IL16: variants seen among roughly 807,000 people sequenced by gnomAD.
IL16 encodes pro-interleukin-16.
A neutral mutation model predicts 110.1 loss-of-function variants in IL16; 67 were observed. The ratio of observed to expected loss-of-function variants is 0.61; its 90% CI spans 0.50 to 0.75. The LOEUF (loss-of-function observed/expected upper bound fraction) is 0.75. IL16 is among the 30% of genes least tolerant of loss of function. IL16 has a pLI of 0.00. For synonymous variants in IL16, 689 were observed against 662.9 expected, an observed-to-expected ratio of 1.04 and a Z score of -0.61; for missense variants, 1,545 against 1,655.0, an observed-to-expected ratio of 0.93 and a Z score of 1.15.
chr15:81,262,954 T>C (rs1898216868), intron 3 of IL16, among the ~76,000 whole-genome samples: 1 of 152,204 alleles, frequency 6.6e-6, no homozygotes, highest in Non-Finnish European at 1.5e-5. Context: ...GAAGCTCAGA[T>C]AGTTGAAATC....
chr15:81,222,313 G>A (rs1439993237), intron 1 of IL16, among the ~76,000 whole-genome samples: 2 of 151,446 alleles, frequency 1.3e-5, no homozygotes, highest in African/African-American at 4.8e-5. Context: ...GCCCTTGGAT[G>A]TCACTGTTTT....
chr15:81,194,054 C>T (rs987917277), upstream of IL16, among the ~76,000 whole-genome samples: 6 of 152,052 alleles, frequency 3.9e-5, no homozygotes, highest in South Asian at 4.1e-4. Context: ...TAATACAGTT[C>T]GCATGACCAA....
chr15:81,305,752 C>A (rs1900518137), intron 16 of IL16, 156 bp from the exon 17 acceptor site: 2 of 836,576 alleles, frequency 2.4e-6, no homozygotes. Flanking sequence ...GAATGCTGGC[C>A]TCTGTGCCAG....
At chr15:81,285,609 G>T in intron 9 of IL16, 89 bp from the exon 10 acceptor site, 1 of 1,407,872 alleles carries the variant, frequency 7.1e-7, no homozygotes. Context: ...TCATCAAACA[G>T]CCCAGCCAGG....
rs890102894 is a variant in IL16, at chr15:81,211,214, G to A, written c.-102+14062G>A. On this transcript the variant is annotated intron_variant, in intron 1 of 18. Coordinates refer to ENST00000683961, the MANE Select transcript of IL16 (RefSeq NM_172217.5). ...AGCTGGGACTATAGGCACATGCCATGCCTGGCTAGTTTTTGTATTTTGAAT... is the reference window on the plus strand; with the variant it reads ...AGCTGGGACTATAGGCACATGCCATACCTGGCTAGTTTTTGTATTTTGAAT... Among the ~76,000 whole-genome samples the A allele has an allele frequency of 5.3e-5, 8 of 151,484 alleles. 1 individual carries two copies. Among genetic ancestry groups the A allele is most frequent in the Non-Finnish European group, 1.0e-4 (7 of 67,888 alleles).
intron 3 of IL16, among the ~76,000 whole-genome samples, chr15:81,260,937 A>G (rs1316224301): frequency 6.6e-6 from 1 of 152,236 alleles, no homozygotes; most frequent in Non-Finnish European, 1.5e-5. Flanking sequence ...GATGTAGTTT[A>G]AGGCTTTTTA....
intron 1 of IL16, among the ~76,000 whole-genome samples, chr15:81,208,349 C>A (rs1166984076): frequency 6.6e-6 from 1 of 152,180 alleles, no homozygotes; most frequent in Non-Finnish European, 1.5e-5. Flanking sequence ...TTGATAGTTT[C>A]TTTTGCTGTG....
chr15:81,264,542 G>A (rs1471413631), intron 3 of IL16, among the ~76,000 whole-genome samples: 1 of 152,114 alleles, frequency 6.6e-6, no homozygotes, highest in African/African-American at 2.4e-5. Context: ...TCCATCCTGT[G>A]TTTCCTTTGA....
At chr15:81,226,898 G>A (rs547984897) in intron 2 of IL16, among the ~76,000 whole-genome samples, 106 of 152,140 alleles carry the variant, frequency 7.0e-4, no homozygotes, top group Middle Eastern at 3.2e-3. Flanking sequence ...CTAGATTAGC[G>A]CTCACCTAAA....
intron 1 of IL16, among the ~76,000 whole-genome samples, chr15:81,201,417 CCT>C (rs1244719957): frequency 6.6e-6 from 1 of 152,130 alleles, no homozygotes. Flanking sequence ...CTTTGAATCT[CCT>C]CTCAGTTCTA....
intron 1 of IL16, among the ~76,000 whole-genome samples, chr15:81,214,633 G>C (rs1896361207): frequency 6.6e-6 from 1 of 151,896 alleles, no homozygotes; most frequent in Admixed American, 6.6e-5. Flanking sequence ...TATCTAGCCA[G>C]GGTTCTCTAT....
Position 81,313,547 on chromosome 15 carries a change from G to GA in IL16, c.*4749_*4750insA. 1 of 722,884 alleles carries GA rather than the reference G, an allele frequency of 1.4e-6. No homozygotes were observed. Among genetic ancestry groups the GA allele is most frequent in the African/African-American group, 1.8e-5 (1 of 54,696 alleles). 44.8% of individuals were successfully genotyped at this position (722,884 alleles called of 1,614,324 possible). A position where few individuals can be genotyped will look rare whatever the true frequency, so the allele number is the denominator to read the frequency against. On this transcript the variant is annotated 3_prime_UTR_variant, in exon 19 of 19. Coordinates refer to ENST00000683961, the MANE Select transcript of IL16 (RefSeq NM_172217.5). ...CATCCCTTGCTGTGCCCTCCACCCA[G>GA]GAGTCCTCTCTGGACCTGCTGATTT...
intron 2 of IL16, among the ~76,000 whole-genome samples, chr15:81,233,147 T>C (rs1476458443): frequency 6.6e-6 from 1 of 152,142 alleles, no homozygotes; most frequent in Non-Finnish European, 1.5e-5. Flanking sequence ...TAGCATGAAG[T>C]TGTTAATAAA....
Position 81,292,620 on chromosome 15 carries a change from C to A in IL16, c.1485C>A (p.Asn495Lys), listed in dbSNP as rs553420645. ...CCTTGGAGAAGGAACGAGAGAAGAACTCAGCACCCCCGCATCGCAGGGCTC... is the reference window on the plus strand; with the variant it reads ...CCTTGGAGAAGGAACGAGAGAAGAAATCAGCACCCCCGCATCGCAGGGCTC... ...RPTLEKEREK[N>K]SAPPHRRAQK... The change falls in exon 12 of 19, where the codon AAC (asparagine) becomes AAA (lysine). Residue 495 changes from asparagine (N) to lysine (K), a missense_variant. This residue lies in a region of IL16 where 1,185 missense variants were observed against 1,238.8 expected (regional missense o/e 0.96). Transcript: ENST00000683961. The A allele has an allele frequency of 1.2e-6, 2 of 1,609,728 alleles. No individual in the cohort carries two copies. The highest frequency in any genetic ancestry group is 2.2e-5 in the South Asian group (2 of 90,934).
rs550772901 is a variant in IL16 at position 81,233,790 on chromosome 15, C to T, written c.312+8079C>T. Among the ~76,000 whole-genome samples, 4 of 152,008 alleles carry T rather than the reference C, an allele frequency of 2.6e-5. No homozygotes were observed. In the East Asian group the frequency reaches 7.7e-4, roughly 29 times the overall value. On this transcript the variant is annotated intron_variant, in intron 2 of 18. Coordinates refer to ENST00000683961, the MANE Select transcript of IL16 (RefSeq NM_172217.5). ...GAGAAGATATTTGTCTACCCATTTCCCCTATGAATAGCTTGTTAGCTATTT... is the reference window on the plus strand; with the variant it reads ...GAGAAGATATTTGTCTACCCATTTCTCCTATGAATAGCTTGTTAGCTATTT...
At chr15:81,232,072 T>C (rs1684708425) in intron 2 of IL16, among the ~76,000 whole-genome samples, 2 of 144,988 alleles carry the variant, frequency 1.4e-5, no homozygotes, top group South Asian at 4.3e-4. Context: ...TTTTTCTTTT[T>C]TTTTTCACAT....
intron 1 of IL16, among the ~76,000 whole-genome samples, chr15:81,199,036 TATATATA>T (rs1566990644): frequency 1.6e-4 from 13 of 79,948 alleles, no homozygotes; most frequent in African/African-American, 6.5e-4. Context: ...AAAAAATATA[TATATATA>T]TATATATATA....
intron 11 of IL16, chr15:81,291,987 G>A (rs773584615): frequency 4.6e-5 from 21 of 456,118 alleles, no homozygotes; most frequent in South Asian, 3.3e-4. Context: ...TCTGCAGGCA[G>A]TGTCCTGGGG....
intron 10 of IL16, chr15:81,290,134 G>T: frequency 2.5e-6 from 1 of 397,392 alleles, no homozygotes; most frequent in Non-Finnish European, 4.6e-6. Context: ...TGCCAAGAAC[G>T]GACTAGCTCA....
Sources: allele counts gnomAD v4.1 joint callset (sites outside exome capture counted in the v4.1 genomes callset), GRCh38; gene constraint gnomAD v4.1.1; regional missense constraint gnomAD v4.1.1; transcripts MANE v1.5; gene names NCBI Gene and HGNC (gene_info 2026-07-23, HGNC 2026-07-21).